CNTLN: variants seen among roughly 807,000 people sequenced by gnomAD.
The protein encoded by CNTLN is centlein, centrosomal protein.
A neutral mutation model predicts 180.0 loss-of-function variants in CNTLN; 212 were observed. The ratio of observed to expected loss-of-function variants is 1.18; its 90% confidence interval spans 1.05 to 1.32. CNTLN has a LOEUF of 1.32. Ranked by LOEUF, CNTLN falls within the 40% of genes most tolerant of loss-of-function variation. The pLI, the probability that CNTLN is intolerant of heterozygous loss-of-function variation, is 0.00. For synonymous variants in CNTLN, 722 were observed against 563.1 expected, an observed-to-expected ratio of 1.28 and a Z score of -3.99; for missense variants, 2,095 against 1,610.9, an observed-to-expected ratio of 1.30 and a Z score of -5.14.
At chr9:17,519,733 A>T in the CNTLN span, among the ~76,000 whole-genome samples, 5 of 152,218 alleles carry the variant, frequency 3.3e-5, no homozygotes, top group African/African-American at 1.2e-4. Context: ...CAGGAAACCA[A>T]ACTTTTAGCA....
At chr9:17,346,772 G>C (rs1821935531) in intron 12 of CNTLN, among the ~76,000 whole-genome samples, 1 of 151,990 alleles carries the variant, frequency 6.6e-6, no homozygotes, top group Admixed American at 6.6e-5. Flanking sequence ...TGTCAAATTT[G>C]GGAAATTTTT....
downstream of CNTLN, among the ~76,000 whole-genome samples, chr9:17,505,903 T>G (rs1833925461): frequency 6.6e-6 from 1 of 152,080 alleles, no homozygotes; most frequent in Non-Finnish European, 1.5e-5. Context: ...ATCAGGAGTG[T>G]GTGGTGCTGG....
At chr9:17,180,655 C>T (rs975388001) in intron 2 of CNTLN, among the ~76,000 whole-genome samples, 1 of 151,856 alleles carries the variant, frequency 6.6e-6, no homozygotes, top group East Asian at 1.9e-4. Flanking sequence ...CTTGATGTTC[C>T]AGGATCCCTC....
chr9:17,178,425 T>C (rs941904792), intron 2 of CNTLN, among the ~76,000 whole-genome samples: 5 of 152,184 alleles, frequency 3.3e-5, no homozygotes, highest in African/African-American at 1.2e-4. Context: ...TCCTCAGCCC[T>C]TGGGCGGTAG....
chr9:17,436,446 A>C (rs758781362), intron 18 of CNTLN, among the ~76,000 whole-genome samples: 4 of 152,246 alleles, frequency 2.6e-5, no homozygotes, highest in Non-Finnish European at 4.4e-5. Context: ...GCCTCAAATA[A>C]AAGACTTTTG....
chr9:17,253,540 A>C (rs1415955411), intron 5 of CNTLN, among the ~76,000 whole-genome samples: 2 of 151,276 alleles, frequency 1.3e-5, no homozygotes, highest in African/African-American at 4.8e-5. Context: ...TGGAAGTAGA[A>C]TTGCTTTTTT....
At chr9:17,303,274 A>T (rs1462795372) in intron 7 of CNTLN, among the ~76,000 whole-genome samples, 1 of 152,224 alleles carries the variant, frequency 6.6e-6, no homozygotes. Context: ...CAGATTCTAC[A>T]AACTTGCATT....
At chr9:17,437,967 G>C (rs1829875317) in intron 18 of CNTLN, among the ~76,000 whole-genome samples, 1 of 152,108 alleles carries the variant, frequency 6.6e-6, no homozygotes. Context: ...TGTGTGCATT[G>C]AACAAAGTCA....
chr9:17,513,082 G>A, the CNTLN span, among the ~76,000 whole-genome samples: 1 of 152,122 alleles, frequency 6.6e-6, no homozygotes, highest in Non-Finnish European at 1.5e-5. Flanking sequence ...GCCTCCCAAA[G>A]TGCTGGGATT....
intron 8 of CNTLN, among the ~76,000 whole-genome samples, chr9:17,330,200 T>C (rs1264746541): frequency 6.6e-6 from 1 of 152,076 alleles, no homozygotes; most frequent in Non-Finnish European, 1.5e-5. Flanking sequence ...TAAAAGCTGA[T>C]TGTACTTATA....
chr9:17,492,450 A>G (rs752368396), intron 25 of CNTLN, among the ~76,000 whole-genome samples: 3 of 152,160 alleles, frequency 2.0e-5, no homozygotes, highest in African/African-American at 2.4e-5. Context: ...CAATTGCTGT[A>G]TCTATTTGAA....
At chr9:17,524,798 T>A in the CNTLN span, among the ~76,000 whole-genome samples, 1 of 152,212 alleles carries the variant, frequency 6.6e-6, no homozygotes, top group Non-Finnish European at 1.5e-5. Flanking sequence ...GAATAAAACC[T>A]TGGCTTGTAT....
Position 17,379,017 on chromosome 9 carries a change from G to A in CNTLN, c.1988-9145G>A, listed in dbSNP as rs111321191. Among the ~76,000 whole-genome samples the A allele has an allele frequency of 2.9e-4, 44 of 151,874 alleles. 1 individual carries two copies. The highest frequency in any genetic ancestry group is 1.0e-3 in the African/African-American group (42 of 41,426). On this transcript the variant is annotated intron_variant, in intron 13 of 25. Coordinates refer to ENST00000380647, the MANE Select transcript of CNTLN (RefSeq NM_017738.4). ...TCCCTATTTTTCTTCATTTTGAAAG[G>A]TATTTTCAGTAAGTATAGAATGCTA...
chr9:17,181,313 G>A (rs1821112528), intron 2 of CNTLN, among the ~76,000 whole-genome samples: 1 of 152,200 alleles, frequency 6.6e-6, no homozygotes, highest in African/African-American at 2.4e-5. Context: ...TGGCTGTTGA[G>A]CCCATCTATT....
At position 17,372,997 on chromosome 9, in the gene CNTLN, A is replaced by G. The variant is rs540499274; in HGVS notation, c.1987+6280A>G. ...AACATACATCAGGATAATAAAAGGC[A>G]TATAGGACAGAGCTATTGCTGGTTA... On this transcript the variant is annotated intron_variant, in intron 13 of 25. Transcript: ENST00000380647. Among the ~76,000 whole-genome samples, 18 of 152,324 alleles carry G rather than the reference A, an allele frequency of 1.2e-4. No homozygotes were observed. In the South Asian group the frequency reaches 3.7e-3, roughly 32 times the overall value.
Position 17,388,069 on chromosome 9 carries a change from G to A in CNTLN, c.1988-93G>A, listed in dbSNP as rs867981936. 8.3e-6 allele frequency: 6 copies of A among 719,002 alleles called. 1 individual carries two copies. The Middle Eastern group carries it at 9.6e-4, about 115-fold the overall frequency. 44.5% of individuals were successfully genotyped at this position (719,002 alleles called of 1,614,324 possible). ...AAGAAAATAGCCTAGATTATTCACA[G>A]TTGAAAAACCATAGAACCCTTTTTC... On this transcript the variant is annotated intron_variant, in intron 13 of 25. Transcript: ENST00000380647.
chr9:17,164,556 C>T (rs1441958507), intron 2 of CNTLN, among the ~76,000 whole-genome samples: 1 of 147,358 alleles, frequency 6.8e-6, no homozygotes, highest in East Asian at 2.1e-4. Context: ...CCTCTGCCTC[C>T]CTGGTTCGGC....
chr9:17,319,237 C>T (rs1180420953), intron 8 of CNTLN, among the ~76,000 whole-genome samples: 1 of 152,162 alleles, frequency 6.6e-6, no homozygotes, highest in East Asian at 1.9e-4. Context: ...GATAGTCTGG[C>T]TAAGTACTTC....
At position 17,210,762 on chromosome 9, in the gene CNTLN, T is replaced by C. The variant is rs1451733296; in HGVS notation, c.450-15441T>C. ...GATTGTCATTCTAACTGGTGTGAGA[T>C]GGTATCTCATTGTGGTTTTGATTTG... is the stretch of plus-strand genomic sequence containing the variant. On this transcript the variant is annotated intron_variant, in intron 2 of 25. Transcript: ENST00000380647. Among the ~76,000 whole-genome samples the C allele has an allele frequency of 2.0e-5, 3 of 152,222 alleles. No homozygotes were observed. In the East Asian group the frequency reaches 5.8e-4, roughly 29 times the overall value.
Sources: allele counts gnomAD v4.1 joint callset (sites outside exome capture counted in the v4.1 genomes callset), GRCh38; gene constraint gnomAD v4.1.1; transcripts MANE v1.5; gene names NCBI Gene and HGNC (gene_info 2026-07-23, HGNC 2026-07-21).